Variants in ATP2B1 observed in about 807,000 individuals in gnomAD.
ATP2B1 encodes the protein ATPase plasma membrane Ca2+ transporting 1, also known as plasma membrane calcium-transporting ATPase 1.
In ATP2B1, 14 loss-of-function variants were observed where a neutral mutation model predicts 124.2. That is an observed-to-expected ratio of 0.11 (90% CI 0.07 to 0.18). The LOEUF is 0.18. Ranked by LOEUF, ATP2B1 falls within the 10% of genes least tolerant of loss-of-function variation. ATP2B1 has a pLI of 1.00. For missense variants in ATP2B1, 763 were observed against 1,466.1 expected (o/e 0.52, Z 7.83); for synonymous variants, 449 against 492.4 (o/e 0.91, Z 1.17).
intron 1 of ATP2B1, among the ~76,000 whole-genome samples, chr12:89,685,520 A>C (rs1215520253): frequency 6.6e-6 from 1 of 152,088 alleles, no homozygotes; most frequent in African/African-American, 2.4e-5. Context: ...TAGCAGTATC[A>C]GCATCACCAT....
intron 1 of ATP2B1, among the ~76,000 whole-genome samples, chr12:89,680,047 T>A (rs1889143503): frequency 6.6e-6 from 1 of 152,138 alleles, no homozygotes. Flanking sequence ...TAAAAAGATG[T>A]ACTTCACTAT....
chr12:89,598,786 G>T, intron 20 of ATP2B1: 1 of 1,606,226 alleles, frequency 6.2e-7, no homozygotes, highest in South Asian at 1.1e-5. Context: ...CAGCAAGAGA[G>T]AGAGAGAACA....
intron 6 of ATP2B1, 136 bp downstream of exon 6, chr12:89,630,369 T>C (rs2136156704): frequency 1.3e-6 from 1 of 767,692 alleles, no homozygotes; most frequent in Non-Finnish European, 1.9e-6. Flanking sequence ...GCCCATGCTA[T>C]TAAGTCTAAT....
intron 3 of ATP2B1, among the ~76,000 whole-genome samples, chr12:89,637,347 A>C (rs903423710): frequency 6.6e-6 from 1 of 152,190 alleles, no homozygotes; most frequent in Non-Finnish European, 1.5e-5. Flanking sequence ...TCTGAAATTA[A>C]ACTTAGACCT....
At chr12:89,659,500 T>C (rs570859221) in intron 1 of ATP2B1, among the ~76,000 whole-genome samples, 2 of 152,224 alleles carry the variant, frequency 1.3e-5, no homozygotes, top group African/African-American at 2.4e-5. Flanking sequence ...GGTAGGGCCT[T>C]AGAAAAAGAC....
At chr12:89,643,139 T>C (rs549783304) in intron 2 of ATP2B1, among the ~76,000 whole-genome samples, 6 of 150,886 alleles carry the variant, frequency 4.0e-5, no homozygotes, top group Admixed American at 6.6e-5. Context: ...TATATGTATA[T>C]ACACGTGTAT....
intron 2 of ATP2B1, among the ~76,000 whole-genome samples, chr12:89,645,748 A>T (rs888712042): frequency 6.6e-6 from 1 of 152,232 alleles, no homozygotes; most frequent in Admixed American, 6.5e-5. Context: ...GTCAAAATGG[A>T]AAAAGTGGCC....
Position 89,588,199 on chromosome 12 carries a change from C to T in ATP2B1, c.*2785G>A, listed in dbSNP as rs1034195550. On this transcript the variant is annotated 3_prime_UTR_variant, in exon 21 of 21. Coordinates refer to ENST00000428670, the MANE Select transcript of ATP2B1 (RefSeq NM_001366521.1). ...ATCACGGTATCTCAGTTGGCTTACA[C>T]GTGTAAAAAGAAATTTTCAAAGAGC... The T allele has an allele frequency of 3.3e-5, 5 of 152,536 alleles. No individual in the cohort carries two copies. Among genetic ancestry groups the T allele is most frequent in the Non-Finnish European group, 5.9e-5 (4 of 68,010 alleles). The allele number at this position is 152,536 out of a possible 1,614,324, so 9.4% of individuals were successfully genotyped here.
chr12:89,606,500 A>G (rs1876898866), intron 15 of ATP2B1, among the ~76,000 whole-genome samples: 2 of 152,066 alleles, frequency 1.3e-5, no homozygotes, highest in African/African-American at 2.4e-5. Flanking sequence ...AAAATACTCA[A>G]TGAAGAAACA....
intron 3 of ATP2B1, among the ~76,000 whole-genome samples, chr12:89,638,449 A>C (rs1032604167): frequency 6.6e-6 from 1 of 152,202 alleles, no homozygotes; most frequent in African/African-American, 2.4e-5. Flanking sequence ...TGAAGACATA[A>C]TTATTGGTCT....
intron 12 of ATP2B1, chr12:89,612,005 GCT>G (rs1334284407): frequency 4.6e-5 from 7 of 151,986 alleles, no homozygotes; most frequent in East Asian, 3.9e-4. Flanking sequence ...TCTTCTTTCA[GCT>G]CTCTTATCCT....
intron 1 of ATP2B1, among the ~76,000 whole-genome samples, chr12:89,692,477 T>C (rs1347622212): frequency 1.3e-5 from 2 of 152,174 alleles, no homozygotes; most frequent in Non-Finnish European, 2.9e-5. Flanking sequence ...AAAGATGTGC[T>C]TCAGGGAGAG....
Position 89,603,950 on chromosome 12 carries a change from G to A in ATP2B1, c.2635-25C>T, listed in dbSNP as rs761904689. Reference sequence around the variant, plus strand: ...CCTAGAAAAGATATGTTTCCTAATAGACATTCACAACTACTCAGGGGCTCA... The same window carrying A: ...CCTAGAAAAGATATGTTTCCTAATAAACATTCACAACTACTCAGGGGCTCA... On this transcript the variant is annotated intron_variant, in intron 16 of 20. Coordinates refer to ENST00000428670, the MANE Select transcript of ATP2B1 (RefSeq NM_001366521.1). The surrounding 1 kb of genome is among the most constrained non-coding windows in gnomAD (Gnocchi z 4.3). 4.4e-6 allele frequency: 7 copies of A among 1,606,216 alleles called. No homozygotes were observed. The East Asian group carries it at 1.1e-4, about 26-fold the overall frequency.
At position 89,590,851 on chromosome 12, in the gene ATP2B1, A is replaced by T; in HGVS notation, c.*133T>A. Reference sequence around the variant, plus strand: ...TTTTTTTTTTTAAAAAAATAAATCTACATTCGTACAAGTGTGTCTTCTGTT... The same window carrying T: ...TTTTTTTTTTTAAAAAAATAAATCTTCATTCGTACAAGTGTGTCTTCTGTT... On this transcript the variant is annotated 3_prime_UTR_variant, in exon 21 of 21. Coordinates refer to ENST00000428670, the MANE Select transcript of ATP2B1 (RefSeq NM_001366521.1). The T allele has an allele frequency of 1.1e-6, 1 of 939,832 alleles. No homozygotes were observed. Among genetic ancestry groups the T allele is most frequent in the Non-Finnish European group, 1.6e-6 (1 of 638,924 alleles). The allele number at this position is 939,832 out of a possible 1,614,324, so 58.2% of individuals were successfully genotyped here. A position where few individuals can be genotyped will look rare whatever the true frequency, so the allele number is the denominator to read the frequency against.
intron 1 of ATP2B1, among the ~76,000 whole-genome samples, chr12:89,681,053 C>T (rs1044629863): frequency 6.6e-6 from 1 of 152,120 alleles, no homozygotes; most frequent in Non-Finnish European, 1.5e-5. Context: ...GAAATTCATC[C>T]AACTAAGAGC....
intron 15 of ATP2B1, among the ~76,000 whole-genome samples, chr12:89,608,157 T>C (rs1421859381): frequency 6.6e-6 from 1 of 152,166 alleles, no homozygotes; most frequent in African/African-American, 2.4e-5. Flanking sequence ...AGTTTCTCTA[T>C]GTTTTTAAAC....
At chr12:89,689,028 G>C (rs1460227507) in intron 1 of ATP2B1, among the ~76,000 whole-genome samples, 6 of 151,970 alleles carry the variant, frequency 3.9e-5, no homozygotes, top group Admixed American at 1.3e-4. Flanking sequence ...CAGAACCTTA[G>C]TTCACCACAT....
chr12:89,695,302 C>G (rs1477861581), intron 1 of ATP2B1, among the ~76,000 whole-genome samples: 1 of 151,938 alleles, frequency 6.6e-6, no homozygotes, highest in Non-Finnish European at 1.5e-5. Context: ...AAAAGGAAAC[C>G]AAGAAGGAAC....
intron 1 of ATP2B1, among the ~76,000 whole-genome samples, chr12:89,671,929 C>T (rs1400528050): frequency 6.6e-6 from 1 of 152,130 alleles, no homozygotes; most frequent in Admixed American, 6.5e-5. Flanking sequence ...TGGTAAACTA[C>T]TAAGAAATGC....
Sources: gnomAD v4.1 joint callset for allele counts (sites outside exome capture counted in the v4.1 genomes callset) on GRCh38, gnomAD v4.1.1 for gene constraint, Gnocchi (gnomAD v3.1) non-coding constraint, MANE v1.5 for transcripts, NCBI Gene and HGNC (gene_info 2026-07-23, HGNC 2026-07-21) for gene names.